SLC12A8: variants seen among roughly 807,000 people sequenced by gnomAD.
SLC12A8 encodes cation-chloride cotransporter 9.
Under a neutral mutation model 75.6 loss-of-function variants are expected in SLC12A8, and 69 were observed. The observed-to-expected ratio is 0.91, with a 90% CI of 0.75 to 1.11. The LOEUF (loss-of-function observed/expected upper bound fraction) is 1.11, where lower values mean the gene tolerates loss of function less well. Among genes scored for constraint, SLC12A8 ranks in the 50% most tolerant of loss-of-function variants. SLC12A8 has a pLI of 0.00. For missense variants in SLC12A8, 877 were observed against 896.7 expected (o/e 0.98, Z 0.28); for synonymous variants, 365 against 372.8 (o/e 0.98, Z 0.24).
At position 125,083,564 on chromosome 3, in the gene SLC12A8, A is replaced by C. The variant is rs756017946; in HGVS notation, c.*326T>G. On this transcript the variant is annotated 3_prime_UTR_variant, in exon 14 of 14. Coordinates refer to ENST00000469902, the MANE Select transcript of SLC12A8 (RefSeq NM_024628.6). ...TGGTGAAACCCTGTCTCCAGTAAAA[A>C]TACAAAAAATAGCTGGGTGTGGTGG... 8 of 193,832 alleles carry C rather than the reference A, an allele frequency of 4.1e-5. No individual in the cohort carries two copies. Among genetic ancestry groups the C allele is most frequent in the Non-Finnish European group, 8.6e-5 (8 of 93,538 alleles). The allele number at this position is 193,832 out of a possible 1,614,324, so 12.0% of individuals were successfully genotyped here.
chr3:125,166,372 C>T (rs1194009985), intron 5 of SLC12A8, among the ~76,000 whole-genome samples: 1 of 152,168 alleles, frequency 6.6e-6, no homozygotes, highest in Non-Finnish European at 1.5e-5. Flanking sequence ...CTTGAGTTGC[C>T]GTAGCAGCCT....
chr3:125,134,042 G>A (rs1315170388), intron 6 of SLC12A8, among the ~76,000 whole-genome samples: 4 of 151,776 alleles, frequency 2.6e-5, no homozygotes, highest in Middle Eastern at 3.4e-3. Context: ...TTTTTGGTCT[G>A]ACTTATTTTA....
At chr3:125,202,471 T>C (rs573225708) in intron 2 of SLC12A8, among the ~76,000 whole-genome samples, 1 of 152,318 alleles carries the variant, frequency 6.6e-6, no homozygotes, top group African/African-American at 2.4e-5. Flanking sequence ...GGCATTACCA[T>C]AGCATCTAGG....
At chr3:125,179,161 G>T (rs201722456) in intron 4 of SLC12A8, among the ~76,000 whole-genome samples, 24 of 151,928 alleles carry the variant, frequency 1.6e-4, no homozygotes, top group Non-Finnish European at 2.9e-5. Flanking sequence ...GGCCTCATTC[G>T]TTCAAGTCCC....
intron 6 of SLC12A8, among the ~76,000 whole-genome samples, chr3:125,122,247 T>C (rs1408527863): frequency 4.6e-5 from 7 of 152,240 alleles, no homozygotes; most frequent in Non-Finnish European, 1.5e-5. Flanking sequence ...ATGTTATTTC[T>C]GGGTGATAAA....
At chr3:125,156,856 C>T (rs941820243) in intron 5 of SLC12A8, among the ~76,000 whole-genome samples, 11 of 152,210 alleles carry the variant, frequency 7.2e-5, no homozygotes, top group African/African-American at 2.7e-4. Context: ...TCTGATTCAA[C>T]CCCTTCCCTG....
At chr3:125,167,481 C>A (rs1430528002) in intron 5 of SLC12A8, among the ~76,000 whole-genome samples, 2 of 152,190 alleles carry the variant, frequency 1.3e-5, no homozygotes, top group Non-Finnish European at 2.9e-5. Flanking sequence ...GTCCCAAATG[C>A]CCTCATTAAA....
At chr3:125,112,840 G>A (rs1239513286) in intron 8 of SLC12A8, among the ~76,000 whole-genome samples, 1 of 152,182 alleles carries the variant, frequency 6.6e-6, no homozygotes, top group African/African-American at 2.4e-5. Flanking sequence ...TTTAATTAGT[G>A]TAGAGTGAGA....
chr3:125,190,603 G>A, intron 2 of SLC12A8, 82 bp from the exon 3 acceptor site: 1 of 1,520,922 alleles, frequency 6.6e-7, no homozygotes, highest in Non-Finnish European at 9.0e-7. Context: ...GGAGGAGGGA[G>A]GTAGGAGAAC....
At chr3:125,156,807 G>C (rs890631146) in intron 5 of SLC12A8, among the ~76,000 whole-genome samples, 2 of 152,158 alleles carry the variant, frequency 1.3e-5, no homozygotes, top group African/African-American at 2.4e-5. Flanking sequence ...CTCCCCATTT[G>C]TGCCTACCCT....
At chr3:125,129,576 G>A (rs1487791440) in intron 6 of SLC12A8, among the ~76,000 whole-genome samples, 1 of 152,178 alleles carries the variant, frequency 6.6e-6, no homozygotes, top group East Asian at 1.9e-4. Context: ...AATATCTGAA[G>A]TAACTTAACC....
Position 125,107,466 on chromosome 3 carries a change from T to A in SLC12A8, c.1705+15A>T, listed in dbSNP as rs1939056793. On this transcript the variant is annotated intron_variant, in intron 10 of 13. Coordinates refer to ENST00000469902, the MANE Select transcript of SLC12A8 (RefSeq NM_024628.6). ...CCCCAAATAAGAGGCCCCAGTGTGA[T>A]ACCAGAGCACTCACCTTCTCCACTG... 8 of 1,593,316 alleles carry A rather than the reference T, an allele frequency of 5.0e-6. No individual in the cohort carries two copies. The East Asian group carries it at 1.8e-4, about 36-fold the overall frequency.
At chr3:125,172,250 G>A (rs1188046570) in intron 5 of SLC12A8, among the ~76,000 whole-genome samples, 7 of 149,092 alleles carry the variant, frequency 4.7e-5, no homozygotes, top group Non-Finnish European at 1.0e-4. Flanking sequence ...CTCCGGCCTG[G>A]GTGACAAGCA....
intron 10 of SLC12A8, among the ~76,000 whole-genome samples, chr3:125,093,317 C>T (rs1938631789): frequency 6.6e-6 from 1 of 152,088 alleles, no homozygotes; most frequent in Non-Finnish European, 1.5e-5. Flanking sequence ...CTACATAGCC[C>T]TTCTCTGTTC....
intron 4 of SLC12A8, among the ~76,000 whole-genome samples, chr3:125,187,014 C>T (rs1934799656): frequency 6.6e-6 from 1 of 152,222 alleles, no homozygotes; most frequent in Non-Finnish European, 1.5e-5. Context: ...ATCAGGCATC[C>T]AGGAGGCGGG....
chr3:125,111,278 G>C (rs702059), intron 8 of SLC12A8, among the ~76,000 whole-genome samples: 81,637 of 151,970 alleles, frequency 0.54, 22,683 homozygotes, highest in East Asian at 0.71. Context: ...CCAACAGATA[G>C]AATAAGAGGG....
intron 2 of SLC12A8, among the ~76,000 whole-genome samples, chr3:125,193,771 A>G (rs1322430302): frequency 3.3e-5 from 5 of 152,142 alleles, no homozygotes; most frequent in Non-Finnish European, 7.4e-5. Context: ...AGTCCACGCT[A>G]AGATTCTCTG....
intron 5 of SLC12A8, among the ~76,000 whole-genome samples, chr3:125,140,525 A>G (rs56246170): frequency 0.067 from 10,219 of 152,040 alleles, 894 homozygotes; most frequent in African/African-American, 0.2. Flanking sequence ...TGTAGGGCAG[A>G]CAGGAGTCCT....
At chr3:125,200,050 G>A (rs959375527) in intron 2 of SLC12A8, among the ~76,000 whole-genome samples, 1 of 152,188 alleles carries the variant, frequency 6.6e-6, no homozygotes, top group Non-Finnish European at 1.5e-5. Context: ...AGCAATGACT[G>A]CCACTGGGGA....
Sources: allele counts gnomAD v4.1 joint callset (sites outside exome capture counted in the v4.1 genomes callset), GRCh38; gene constraint gnomAD v4.1.1; transcripts MANE v1.5; gene names NCBI Gene and HGNC (gene_info 2026-07-23, HGNC 2026-07-21).